MGST1: variants seen among roughly 807,000 people sequenced by gnomAD.
MGST1 encodes glutathione S-transferase 12.
A neutral mutation model predicts 8.9 loss-of-function variants in MGST1; 5 were observed. That is an observed-to-expected ratio of 0.56 (90% CI 0.29 to 1.19). MGST1 has a LOEUF of 1.19. MGST1 is among the 50% of genes most tolerant of loss of function. The pLI is 0.08. For synonymous variants in MGST1, 54 were observed against 67.8 expected (o/e 0.80, Z 1.00); for missense variants, 182 against 187.4 (o/e 0.97, Z 0.17).
intron 1 of MGST1, among the ~76,000 whole-genome samples, chr12:16,384,121 T>C (rs1383729768): frequency 6.6e-6 from 1 of 152,062 alleles, no homozygotes; most frequent in East Asian, 1.9e-4. Flanking sequence ...GGATCTTGGG[T>C]TGGGATACTG....
rs117431576 is a variant in MGST1 at position 16,566,845 on chromosome 12, C to T, written n.483-22683C>T. Among the ~76,000 whole-genome samples, 946 of 152,204 alleles carry T rather than the reference C, an allele frequency of 6.2e-3. 10 individuals are homozygous for T. The highest frequency in any genetic ancestry group is 0.03 in the South Asian group (143 of 4,822). ...ACACACATAATAGGCAGATACTACACTGAATGAAAAGGAAAGAGAAGAAGA... is the reference window on the plus strand; with the variant it reads ...ACACACATAATAGGCAGATACTACATTGAATGAAAAGGAAAGAGAAGAAGA... On this transcript the variant is annotated intron_variant and non_coding_transcript_variant, in intron 4 of 4. Coordinates refer to the MGST1 transcript ENST00000538857.
chr12:16,427,502 C>G (rs13377695), intron 1 of MGST1, among the ~76,000 whole-genome samples: 4,504 of 152,214 alleles, frequency 0.03, 244 homozygotes, highest in African/African-American at 0.1. Context: ...CATGCCTCAG[C>G]CACTTGAGTA....
At chr12:16,397,189 A>G (rs1360367876) in intron 1 of MGST1, among the ~76,000 whole-genome samples, 1 of 152,202 alleles carries the variant, frequency 6.6e-6, no homozygotes, top group Non-Finnish European at 1.5e-5. Flanking sequence ...AGGACATCCT[A>G]TTCAGCAAAT....
chr12:16,546,280 T>C lies in MGST1; in HGVS notation n.483-43248T>C, dbSNP rs1170504881. ...GATTATGTATTATCTGAATGTCTCT[T>C]GTTCCCATTTTAATTTGTACTATGG... On this transcript the variant is annotated intron_variant and non_coding_transcript_variant, in intron 4 of 4. Transcript: ENST00000538857. This position sits in a 1 kb window ranked among gnomAD's most constrained non-coding sequence, Gnocchi z 4.7. Among the ~76,000 whole-genome samples the C allele has an allele frequency of 6.6e-6, 1 of 152,190 alleles. No homozygotes were observed. Among genetic ancestry groups the C allele is most frequent in the Non-Finnish European group, 1.5e-5 (1 of 68,018 alleles).
At chr12:16,398,883 A>G (rs1940628224) in intron 1 of MGST1, among the ~76,000 whole-genome samples, 1 of 152,262 alleles carries the variant, frequency 6.6e-6, no homozygotes, top group Non-Finnish European at 1.5e-5. Flanking sequence ...GTGCTGGTCA[A>G]GAACCATGAT....
At chr12:16,392,794 A>T (rs1386241767) in intron 1 of MGST1, among the ~76,000 whole-genome samples, 2 of 151,512 alleles carry the variant, frequency 1.3e-5, no homozygotes, top group Non-Finnish European at 2.9e-5. Flanking sequence ...ACAAAGATAT[A>T]TCTGTATACA....
chr12:16,399,187 A>G (rs1940631341), intron 1 of MGST1: 2 of 1,304,666 alleles, frequency 1.5e-6, no homozygotes, highest in Admixed American at 4.3e-5. Flanking sequence ...TCAAATGAAA[A>G]CAAAAGGAAA....
At chr12:16,442,906 C>G (rs1414329176), downstream of MGST1, among the ~76,000 whole-genome samples, 1 of 151,678 alleles carries the variant, frequency 6.6e-6, no homozygotes, top group East Asian at 1.9e-4. The surrounding 1 kb of genome is among the most constrained non-coding windows in gnomAD (Gnocchi z 4.5). Flanking sequence ...TTGTTCTAAT[C>G]TTTTATATAC....
chr12:16,375,956 A>T (rs1940372503), intron 3 of MGST1, among the ~76,000 whole-genome samples: 1 of 152,060 alleles, frequency 6.6e-6, no homozygotes, highest in African/African-American at 2.4e-5. Flanking sequence ...GATGTGAAAG[A>T]TGTTTAAATC....
chr12:16,411,273 TG>T lies in MGST1; in HGVS notation n.779-26113del, dbSNP rs988868549. Among the ~76,000 whole-genome samples the T allele has an allele frequency of 6.6e-4, 100 of 152,284 alleles. 1 individual carries two copies. The highest frequency in any genetic ancestry group is 2.2e-3 in the African/African-American group (93 of 41,562). ...TAGTCCTTAACATCTAGTGCAACTC[TG>T]GTACTTGGGTCATTGAAGGTAGTAA... On this transcript the variant is annotated intron_variant and non_coding_transcript_variant, in intron 1 of 1. Transcript: ENST00000359720.
intron 4 of MGST1, among the ~76,000 whole-genome samples, chr12:16,563,933 A>AT (rs1380736886): frequency 1.3e-5 from 2 of 152,166 alleles, no homozygotes; most frequent in Non-Finnish European, 2.9e-5. Context: ...TATGGGCTAG[A>AT]TTTTTCCCTA....
intron 4 of MGST1, among the ~76,000 whole-genome samples, chr12:16,494,823 A>G (rs568862569): frequency 6.6e-6 from 1 of 152,282 alleles, no homozygotes; most frequent in Admixed American, 6.5e-5. Flanking sequence ...CAAAACAGAA[A>G]GCCAGATTGT....
At chr12:16,371,617 A>G (rs1451507233) in intron 3 of MGST1, among the ~76,000 whole-genome samples, 2 of 152,122 alleles carry the variant, frequency 1.3e-5, no homozygotes, top group Non-Finnish European at 2.9e-5. Flanking sequence ...ACTCCAATTA[A>G]GCAAAATGTT....
intron 4 of MGST1, chr12:16,573,542 G>A (rs2137465775): frequency 6.6e-6 from 1 of 152,300 alleles, no homozygotes; most frequent in African/African-American, 2.4e-5. Flanking sequence ...CTGCAAAGGC[G>A]ATAAGGGGGG....
intron 4 of MGST1, among the ~76,000 whole-genome samples, chr12:16,484,568 C>G (rs1453051227): frequency 6.6e-6 from 1 of 152,114 alleles, no homozygotes; most frequent in Non-Finnish European, 1.5e-5. Flanking sequence ...AGGGAGGTCT[C>G]AGGAAACTTA....
At chr12:16,532,001 G>C (rs1941726597) in intron 4 of MGST1, among the ~76,000 whole-genome samples, 1 of 152,132 alleles carries the variant, frequency 6.6e-6, no homozygotes, top group African/African-American at 2.4e-5. Context: ...CATCTCCTAT[G>C]TGTCTGTCAA....
chr12:16,367,922 T>TTTTTTTTTTTTTTTTTTTTGA (rs1565440579), downstream of MGST1, among the ~76,000 whole-genome samples: 1 of 152,192 alleles, frequency 6.6e-6, no homozygotes. Flanking sequence ...TCCTGTTTCT[T>TTTTTTTTTTTTTTTTTTTTGA]GGGCTATCCA....
At chr12:16,454,656 C>A (rs894014383) in intron 4 of MGST1, among the ~76,000 whole-genome samples, 1 of 151,668 alleles carries the variant, frequency 6.6e-6, no homozygotes, top group African/African-American at 2.4e-5. Flanking sequence ...TATTTCATTT[C>A]TGACGTCACA....
At chr12:16,447,123 T>C (rs1266969984) in intron 4 of MGST1, among the ~76,000 whole-genome samples, 1 of 151,882 alleles carries the variant, frequency 6.6e-6, no homozygotes, top group Non-Finnish European at 1.5e-5. Flanking sequence ...TAGCAGAAAA[T>C]TTATGCCTTT....
Sources: gnomAD v4.1 joint callset for allele counts (sites outside exome capture counted in the v4.1 genomes callset) on GRCh38, gnomAD v4.1.1 for gene constraint, Gnocchi (gnomAD v3.1) non-coding constraint, MANE v1.5 for transcripts, NCBI Gene and HGNC (gene_info 2026-07-23, HGNC 2026-07-21) for gene names.